Variants in CFTR observed in about 807,000 individuals in gnomAD.
CFTR encodes CF transmembrane conductance regulator, also known as cystic fibrosis transmembrane conductance regulator.
A neutral mutation model predicts 171.6 loss-of-function variants in CFTR; 181 were observed. The ratio of observed to expected loss-of-function variants is 1.05; its 90% CI spans 0.93 to 1.19. The LOEUF (loss-of-function observed/expected upper bound fraction) is 1.19, where lower values mean the gene tolerates loss of function less well. Among genes scored for constraint, CFTR ranks in the 50% most tolerant of loss-of-function variants. The probability of loss-of-function intolerance (pLI) is 0.00; values close to 1 mark genes in which losing one functional copy is unlikely to be tolerated. For missense variants in CFTR, 1,968 were observed against 1,734.7 expected (o/e 1.13, Z -2.39); for synonymous variants, 583 against 608.0 (o/e 0.96, Z 0.60).
At chr7:117,497,027 T>C (rs991394337) in intron 1 of CFTR, among the ~76,000 whole-genome samples, 1 of 152,226 alleles carries the variant, frequency 6.6e-6, no homozygotes, top group Non-Finnish European at 1.5e-5. Context: ...TTTTTTGTTA[T>C]TGCTGTTTGT....
rs2116032401 is a variant in CFTR at position 117,592,379 on chromosome 7, T to G, written c.2212T>G (p.Leu738Val). The G allele has an allele frequency of 6.2e-7, 1 of 1,614,152 alleles. No homozygotes were observed. The highest frequency in any genetic ancestry group is 2.2e-5 in the East Asian group (1 of 44,882). Residue 738 changes from leucine to valine, a missense_variant, in exon 14 of 27, where the codon TTA becomes GTA. By Grantham distance (32) the Leu-to-Val change is conservative. Transcript: ENST00000003084. ...SDEPLERRLS[L>V]VPDSEQGEAI... ...TGAGCCTTTAGAGAGAAGGCTGTCC[T>G]TAGTACCAGATTCTGAGCAGGGAGA...
At chr7:117,663,932 AACTTT>A (rs1793326911) in intron 24 of CFTR, among the ~76,000 whole-genome samples, 2 of 151,884 alleles carry the variant, frequency 1.3e-5, no homozygotes, top group African/African-American at 4.8e-5. Flanking sequence ...TGCATTTTCA[AACTTT>A]ACTTTTACTG....
In CFTR at chr7:117,540,380, A is replaced by T. The variant is rs754390310; in HGVS notation, c.1116+34A>T. 3.8e-6 allele frequency: 6 copies of T among 1,583,904 alleles called. 1 individual carries two copies. Among genetic ancestry groups the T allele is most frequent in the Non-Finnish European group, 5.2e-6 (6 of 1,156,730 alleles). On this transcript the variant is annotated intron_variant, in intron 8 of 26. Transcript: ENST00000003084. ...CCATAATGCTGCATTATATACTATGATTTAAATAATCAGTCAATAGATCAG... is the reference window on the plus strand; with the variant it reads ...CCATAATGCTGCATTATATACTATGTTTTAAATAATCAGTCAATAGATCAG...
chr7:117,555,526 A>G (rs1799337287), intron 10 of CFTR, among the ~76,000 whole-genome samples: 1 of 152,172 alleles, frequency 6.6e-6, no homozygotes. Flanking sequence ...AGTGATCTCT[A>G]GTGGTTCTCG....
At chr7:117,612,167 T>C (rs952054237) in intron 20 of CFTR, among the ~76,000 whole-genome samples, 1 of 149,552 alleles carries the variant, frequency 6.7e-6, no homozygotes, top group African/African-American at 2.5e-5. Context: ...TTCATACTCA[T>C]ATTGGTGAAG....
At chr7:117,488,497 G>A (rs764156624) in intron 1 of CFTR, among the ~76,000 whole-genome samples, 3 of 152,024 alleles carry the variant, frequency 2.0e-5, no homozygotes, top group Non-Finnish European at 2.9e-5. Context: ...ATAAGTCTCT[G>A]TTGACCATTT....
At chr7:117,604,857 C>T (rs938151753) in intron 17 of CFTR, 1 of 152,098 alleles carries the variant, frequency 6.6e-6, no homozygotes, top group African/African-American at 2.4e-5. Flanking sequence ...GGGATTTGCC[C>T]ACATTTCTAG....
intron 23 of CFTR, among the ~76,000 whole-genome samples, chr7:117,644,626 T>C (rs1000245197): frequency 6.6e-6 from 1 of 152,162 alleles, no homozygotes; most frequent in Non-Finnish European, 1.5e-5. Context: ...TTTCCCCTCT[T>C]TTTCTCATAG....
intron 24 of CFTR, among the ~76,000 whole-genome samples, chr7:117,662,679 A>G (rs1017683331): frequency 6.6e-6 from 1 of 152,204 alleles, no homozygotes; most frequent in Admixed American, 6.5e-5. Context: ...GGGTGTTTGT[A>G]TGGTGGACTT....
intron 22 of CFTR, among the ~76,000 whole-genome samples, chr7:117,632,577 A>G (rs1346351869): frequency 7.1e-6 from 1 of 139,978 alleles, no homozygotes; most frequent in Admixed American, 7.3e-5. Flanking sequence ...AAAGAAAAAG[A>G]AAAAGAAAAA....
At chr7:117,594,317 C>CT (rs1015647208) in intron 14 of CFTR, among the ~76,000 whole-genome samples, 1 of 152,138 alleles carries the variant, frequency 6.6e-6, no homozygotes, top group African/African-American at 2.4e-5. Context: ...ACTCTTTTTC[C>CT]TTTGGACTGT....
At chr7:117,581,193 A>G (rs1191874335) in intron 11 of CFTR, among the ~76,000 whole-genome samples, 4 of 152,158 alleles carry the variant, frequency 2.6e-5, no homozygotes, top group Admixed American at 1.3e-4. Flanking sequence ...ACCCTTAAGA[A>G]TCCTAGCCTT....
At chr7:117,513,393 G>C (rs1031822790) in intron 3 of CFTR, among the ~76,000 whole-genome samples, 5 of 148,670 alleles carry the variant, frequency 3.4e-5, no homozygotes, top group African/African-American at 1.0e-4. Flanking sequence ...TTTCTTTTCA[G>C]ACCTTGGCAG....
At chr7:117,529,395 T>C (rs1279638617) in intron 3 of CFTR, among the ~76,000 whole-genome samples, 2 of 119,532 alleles carry the variant, frequency 1.7e-5, no homozygotes, top group East Asian at 5.3e-4. Context: ...AGGGATAGCA[T>C]TGGGAGATAT....
At chr7:117,591,345 G>T (rs1246740772) in intron 13 of CFTR, among the ~76,000 whole-genome samples, 1 of 151,968 alleles carries the variant, frequency 6.6e-6, no homozygotes, top group Non-Finnish European at 1.5e-5. Flanking sequence ...TGTCTTAGAT[G>T]ATTCTAGTCA....
intron 11 of CFTR, among the ~76,000 whole-genome samples, chr7:117,582,135 T>G (rs1791858079): frequency 6.6e-6 from 1 of 152,198 alleles, no homozygotes; most frequent in African/African-American, 2.4e-5. Flanking sequence ...TAGAATTACT[T>G]TATAAATGCC....
chr7:117,599,701 T>A (rs916602270), intron 15 of CFTR, among the ~76,000 whole-genome samples: 5 of 152,138 alleles, frequency 3.3e-5, no homozygotes, highest in South Asian at 2.1e-4. Flanking sequence ...AAAATAGTAA[T>A]TTTTTAAAAG....
At chr7:117,546,185 G>T (rs1315768075) in intron 9 of CFTR, among the ~76,000 whole-genome samples, 1 of 151,938 alleles carries the variant, frequency 6.6e-6, no homozygotes. Context: ...GTAGAGACGG[G>T]GTTTCACCAT....
chr7:117,573,375 C>T (rs1349947724), intron 11 of CFTR, among the ~76,000 whole-genome samples: 2 of 152,144 alleles, frequency 1.3e-5, no homozygotes, highest in East Asian at 3.9e-4. Flanking sequence ...GCTTTACAAT[C>T]TCAAACAGAC....
Sources: gnomAD v4.1 joint callset for allele counts (sites outside exome capture counted in the v4.1 genomes callset) on GRCh38, gnomAD v4.1.1 for gene constraint, MANE v1.5 for transcripts, NCBI Gene and HGNC (gene_info 2026-07-23, HGNC 2026-07-21) for gene names.